Variants in EYA4 observed in about 807,000 individuals in gnomAD.
EYA4 encodes the protein EYA transcriptional coactivator and phosphatase 4.
Under a neutral mutation model 87.9 loss-of-function variants are expected in EYA4, and 31 were observed. The observed-to-expected ratio is 0.35, with a 90% CI of 0.27 to 0.48. The LOEUF is 0.48. Ranked by LOEUF, EYA4 falls within the 20% of genes least tolerant of loss-of-function variation. The probability of loss-of-function intolerance (pLI) is 0.99; values close to 1 mark genes in which losing one functional copy is unlikely to be tolerated. For synonymous variants in EYA4, 263 were observed against 270.6 expected, an observed-to-expected ratio of 0.97 and a Z score of 0.28; for missense variants, 678 against 761.4, an observed-to-expected ratio of 0.89 and a Z score of 1.29.
At chr6:133,280,026 G>A (rs573129412) in intron 2 of EYA4, among the ~76,000 whole-genome samples, 1 of 152,064 alleles carries the variant, frequency 6.6e-6, no homozygotes, top group South Asian at 2.1e-4. Context: ...AAACCCATTC[G>A]ACCAGAAGGC....
chr6:133,444,409 G>T (rs1792598303), intron 3 of EYA4, among the ~76,000 whole-genome samples: 1 of 151,898 alleles, frequency 6.6e-6, no homozygotes, highest in Non-Finnish European at 1.5e-5. Context: ...CCACCTATTT[G>T]GGCCTTATCA....
chr6:133,529,985 G>A lies in EYA4; in HGVS notation c.*1180G>A. The A allele has an allele frequency of 8.1e-6, 8 of 985,398 alleles. No individual in the cohort carries two copies. The highest frequency in any genetic ancestry group is 9.6e-6 in the Non-Finnish European group (8 of 829,924). The allele number at this position is 985,398 out of a possible 1,614,324, so 61.0% of individuals were successfully genotyped here. On this transcript the variant is annotated 3_prime_UTR_variant, in exon 20 of 20. Transcript: ENST00000355286. ...GAACATGGCATAAAATTCACATTGA[G>A]TGCACAGGGCTTAAAATAAAGCTAA... is the stretch of plus-strand genomic sequence containing the variant.
chr6:133,462,574 A>G, intron 8 of EYA4, 47 bp from the exon 9 acceptor site: 1 of 1,613,474 alleles, frequency 6.2e-7, no homozygotes. Flanking sequence ...TTAGAAGGAA[A>G]ATCATCTTAC....
chr6:133,480,686 G>A (rs990471643), intron 11 of EYA4, among the ~76,000 whole-genome samples: 1 of 151,968 alleles, frequency 6.6e-6, no homozygotes, highest in Non-Finnish European at 1.5e-5. Context: ...GATATATTGG[G>A]GCAATTAACA....
chr6:133,404,900 A>G (rs1788572066), intron 3 of EYA4, among the ~76,000 whole-genome samples: 1 of 152,202 alleles, frequency 6.6e-6, no homozygotes, highest in South Asian at 2.1e-4. Flanking sequence ...TGTTCACTTG[A>G]TTCAACATCT....
At chr6:133,282,898 G>T (rs1159994219) in intron 2 of EYA4, among the ~76,000 whole-genome samples, 1 of 152,184 alleles carries the variant, frequency 6.6e-6, no homozygotes, top group Non-Finnish European at 1.5e-5. Flanking sequence ...GGATAGTATA[G>T]ATATAAATAA....
At position 133,437,012 on chromosome 6, in the gene EYA4, G is replaced by GA. The variant is rs879341746; in HGVS notation, c.84-9609dup. Among the ~76,000 whole-genome samples, 674 of 150,904 alleles carry GA rather than the reference G, an allele frequency of 4.5e-3. 3 individuals carry two copies. The highest frequency in any genetic ancestry group is 0.015 in the African/African-American group (612 of 41,174). The stretch of plus-strand genomic sequence containing the variant: ...CATCTATGCTACAGAAAAATTGCAG[G>GA]AAAAAAAAATCCCCAGAAACTAGTT... On this transcript the variant is annotated intron_variant, in intron 3 of 19. Transcript: ENST00000355286.
At chr6:133,497,230 GT>G (rs1266360857) in intron 13 of EYA4, among the ~76,000 whole-genome samples, 5 of 151,970 alleles carry the variant, frequency 3.3e-5, no homozygotes, top group African/African-American at 1.2e-4. Flanking sequence ...TTGGTCTCGT[GT>G]TCTTTCCCCA....
intron 2 of EYA4, among the ~76,000 whole-genome samples, chr6:133,341,998 A>G (rs1478433205): frequency 6.6e-6 from 1 of 152,186 alleles, no homozygotes; most frequent in Non-Finnish European, 1.5e-5. Context: ...GAATTGTCTC[A>G]TAAATATCTT....
intron 3 of EYA4, among the ~76,000 whole-genome samples, chr6:133,429,392 A>C (rs1045397388): frequency 2.0e-5 from 3 of 152,212 alleles, no homozygotes; most frequent in Non-Finnish European, 2.9e-5. Context: ...GTTGAGGAGA[A>C]GTTATTAACA....
chr6:133,394,071 A>G (rs1787544318), intron 3 of EYA4, among the ~76,000 whole-genome samples: 1 of 152,166 alleles, frequency 6.6e-6, no homozygotes, highest in South Asian at 2.1e-4. Flanking sequence ...TCAATAAGCC[A>G]ATGGATGAAT....
At chr6:133,388,138 T>G (rs1476908156) in intron 3 of EYA4, among the ~76,000 whole-genome samples, 1 of 152,114 alleles carries the variant, frequency 6.6e-6, no homozygotes, top group Non-Finnish European at 1.5e-5. Flanking sequence ...CCGGGCACAG[T>G]GGCTCACCCT....
At chr6:133,342,871 T>G (rs556383961) in intron 2 of EYA4, among the ~76,000 whole-genome samples, 1 of 152,236 alleles carries the variant, frequency 6.6e-6, no homozygotes, top group East Asian at 1.9e-4. Context: ...TGGTACAGAT[T>G]TGATTCCTAG....
intron 3 of EYA4, among the ~76,000 whole-genome samples, chr6:133,432,017 C>T (rs1158291694): frequency 6.6e-6 from 1 of 151,668 alleles, no homozygotes; most frequent in Non-Finnish European, 1.5e-5. Context: ...CACCCCCGCC[C>T]CCAGCATTTG....
intron 2 of EYA4, among the ~76,000 whole-genome samples, chr6:133,327,149 T>A (rs1043247878): frequency 2.4e-4 from 36 of 152,276 alleles, no homozygotes; most frequent in Non-Finnish European, 3.4e-4. Flanking sequence ...TTTATTTTTA[T>A]TTTTTTGAGA....
chr6:133,418,669 T>G (rs1789959299), intron 3 of EYA4, among the ~76,000 whole-genome samples: 1 of 152,144 alleles, frequency 6.6e-6, no homozygotes, highest in Non-Finnish European at 1.5e-5. Flanking sequence ...GAAGTTAAGG[T>G]TTTGTGCAAC....
intron 11 of EYA4, among the ~76,000 whole-genome samples, chr6:133,475,063 T>C (rs1795608062): frequency 6.6e-6 from 1 of 152,084 alleles, no homozygotes; most frequent in African/African-American, 2.4e-5. Context: ...ATGTATAGTA[T>C]TGGGTCAAGA....
chr6:133,306,527 A>T (rs1167715805), intron 2 of EYA4, among the ~76,000 whole-genome samples: 1 of 152,210 alleles, frequency 6.6e-6, no homozygotes, highest in East Asian at 1.9e-4. Flanking sequence ...TACTTTCTTT[A>T]TTCTCTTAAA....
In EYA4 at chr6:133,249,787, T is replaced by C. The variant is rs190532524; in HGVS notation, c.-66+8038T>C. On this transcript the variant is annotated intron_variant, in intron 1 of 19. Coordinates refer to ENST00000355286, the MANE Select transcript of EYA4 (RefSeq NM_004100.5). ...ATAAGTTCCTCTGACCTCCAGAGTC[T>C]GAGTTGAACGTTTCTTTCTTGTTAC... Among the ~76,000 whole-genome samples the C allele has an allele frequency of 2.3e-3, 354 of 152,366 alleles. 1 individual carries two copies. The highest frequency in any genetic ancestry group is 8.0e-3 in the African/African-American group (333 of 41,582).
Sources: gnomAD v4.1 joint callset for allele counts (sites outside exome capture counted in the v4.1 genomes callset) on GRCh38, gnomAD v4.1.1 for gene constraint, MANE v1.5 for transcripts, NCBI Gene and HGNC (gene_info 2026-07-23, HGNC 2026-07-21) for gene names.